Variants in OTOG observed in about 807,000 individuals in gnomAD.
The protein encoded by OTOG is otogelin.
Under a neutral mutation model 313.8 loss-of-function variants are expected in OTOG, and 296 were observed. The observed-to-expected ratio is 0.94, with a 90% CI of 0.86 to 1.04. OTOG has a LOEUF of 1.04. OTOG is among the 50% of genes least tolerant of loss of function. The pLI, the probability that OTOG is intolerant of heterozygous loss-of-function variation, is 0.00. For synonymous variants in OTOG, 1,533 were observed against 1,554.9 expected (o/e 0.99, Z 0.33); for missense variants, 3,948 against 3,840.1 (o/e 1.03, Z -0.74).
Position 17,586,143 on chromosome 11 carries a change from C to G in OTOG, c.2760-331C>G, listed in dbSNP as rs11024328. Among the ~76,000 whole-genome samples, 611 of 152,294 alleles carry G rather than the reference C, an allele frequency of 4.0e-3. 6 individuals are homozygous for G. Among genetic ancestry groups the G allele is most frequent in the African/African-American group, 0.014 (580 of 41,548 alleles). On this transcript the variant is annotated intron_variant, in intron 23 of 55. Transcript: ENST00000399397. ...TGGGTAGGAGGGTCATCGCCCATAT[C>G]CATGACCTGTTCATTAGTATACAAC...
Position 17,609,719 on chromosome 11 carries a change from A to C in OTOG, c.4419A>C (p.Gln1473His), listed in dbSNP as rs953362168. The change falls in exon 36 of 56, where the codon CAA becomes CAC. Residue 1473 changes from glutamine (Q) to histidine (H), a missense_variant. Transcript: ENST00000399397. ...GCAATGAGACCCTCCCTCCCAGTCAAGGGTTGCCCACTCCCAGTGATGAGG... is the reference window on the plus strand; with the variant it reads ...GCAATGAGACCCTCCCTCCCAGTCACGGGTTGCCCACTCCCAGTGATGAGG... ...ALGNETLPPS[Q>H]GLPTPSDEEP... 2 of 1,539,142 alleles carry C rather than the reference A, an allele frequency of 1.3e-6. No individual in the cohort carries two copies. Among genetic ancestry groups the C allele is most frequent in the African/African-American group, 1.4e-5 (1 of 72,774 alleles).
At chr11:17,566,293 G>A (rs1416178536) in intron 15 of OTOG, among the ~76,000 whole-genome samples, 2 of 152,064 alleles carry the variant, frequency 1.3e-5, no homozygotes, top group African/African-American at 4.8e-5. Context: ...TATATAAATA[G>A]TTGTTATGCT....
rs141086792 is a variant in OTOG, at chr11:17,598,080, G to A, written c.3682+1073G>A. Among the ~76,000 whole-genome samples the A allele has an allele frequency of 4.1e-3, 626 of 152,326 alleles. 3 individuals carry two copies. Among genetic ancestry groups the A allele is most frequent in the African/African-American group, 0.015 (604 of 41,562 alleles). On this transcript the variant is annotated intron_variant, in intron 30 of 55. Transcript: ENST00000399397. ...TGAGGCCTGCAGGCAAGACGCCAAA[G>A]GAAGAAGGTGGAGCAGAAGGACACT... is the stretch of plus-strand genomic sequence containing the variant.
chr11:17,579,019 C>G (rs1332112461), intron 23 of OTOG, among the ~76,000 whole-genome samples: 1 of 152,206 alleles, frequency 6.6e-6, no homozygotes, highest in Non-Finnish European at 1.5e-5. Context: ...CCCAGGTCCC[C>G]AGAACCCTGC....
intron 32 of OTOG, among the ~76,000 whole-genome samples, chr11:17,603,688 A>C (rs1452971460): frequency 6.6e-6 from 1 of 152,140 alleles, no homozygotes; most frequent in African/African-American, 2.4e-5. Context: ...GGTGGGACCT[A>C]GGGTGGCTGC....
At chr11:17,599,829 C>T (rs1853204779) in intron 31 of OTOG, 132 bp downstream of exon 31, 1 of 1,077,644 alleles carries the variant, frequency 9.3e-7, no homozygotes, top group South Asian at 1.4e-5. Context: ...GGGAGGGCCC[C>T]CATCATGCAG....
chr11:17,642,702 C>T (rs933121694), intron 53 of OTOG, among the ~76,000 whole-genome samples: 7 of 152,162 alleles, frequency 4.6e-5, no homozygotes, highest in African/African-American at 1.7e-4. Context: ...GGACAACTGT[C>T]AGTATGGGCG....
chr11:17,606,616 C>T (rs568642685), intron 33 of OTOG, among the ~76,000 whole-genome samples: 12 of 152,352 alleles, frequency 7.9e-5, no homozygotes, highest in Middle Eastern at 3.4e-3. Flanking sequence ...CTTCCACCAA[C>T]GCCAAGGGGA....
chr11:17,547,545 AGG>A, intron 1 of OTOG, 79 bp downstream of exon 1: 1 of 1,273,266 alleles, frequency 7.9e-7, no homozygotes. Flanking sequence ...GGGCCCGCGC[AGG>A]TTGGAGAGAG....
At chr11:17,641,810 G>A (rs1847976427) in intron 51 of OTOG, 37 bp from the exon 52 acceptor site, 7 of 1,443,206 alleles carry the variant, frequency 4.9e-6, no homozygotes, top group African/African-American at 1.4e-5. Context: ...GGTGGAGGTG[G>A]GCATCTGGCT....
intron 12 of OTOG, 123 bp from the exon 13 acceptor site, chr11:17,560,586 G>T: frequency 4.3e-6 from 3 of 703,598 alleles, no homozygotes; most frequent in Non-Finnish European, 4.9e-6. Flanking sequence ...GAGAAAGTTT[G>T]GAAGTCGGTT....
intron 18 of OTOG, among the ~76,000 whole-genome samples, chr11:17,572,533 T>C (rs1852427251): frequency 6.6e-6 from 1 of 152,100 alleles, no homozygotes; most frequent in Non-Finnish European, 1.5e-5. Context: ...CACCGCCCTC[T>C]GCTCTGCCCC....
Position 17,559,635 on chromosome 11 carries a change from T to C in OTOG, c.1315T>C (p.Cys439Arg), listed in dbSNP as rs963679389. ...RASCVDSEIACVDGCYCPNGL... is the reference protein window; with the variant it reads ...RASCVDSEIARVDGCYCPNGL... ...ATCCTGTGTGGACAGTGAGATCGCC[T>C]GTGTGGACGGCTGCTATTGCCCCAA... is the stretch of plus-strand genomic sequence containing the variant. The change falls in exon 12 of 56, where the codon TGT (cysteine) becomes CGT (arginine). Residue 439 changes from cysteine to arginine, a missense_variant. Transcript: ENST00000399397. 32 of 1,550,760 alleles carry C rather than the reference T, an allele frequency of 2.1e-5. No homozygotes were observed. The Admixed American group carries it at 6.3e-4, about 30-fold the overall frequency.
chr11:17,572,576 G>C (rs938589629), intron 18 of OTOG, among the ~76,000 whole-genome samples: 1 of 152,096 alleles, frequency 6.6e-6, no homozygotes, highest in African/African-American at 2.4e-5. Flanking sequence ...TTTCTACACA[G>C]TCAGGACTGC....
chr11:17,629,342 A>C, intron 40 of OTOG, 26 bp downstream of exon 40: 1 of 1,534,968 alleles, frequency 6.5e-7, no homozygotes, highest in East Asian at 2.5e-5. Flanking sequence ...GCTTGCGGGG[A>C]GGGGATGCTT....
chr11:17,606,098 A>G lies in OTOG; in HGVS notation c.4119A>G (p.Thr1373=). 6.5e-7 allele frequency: 1 copy of G among 1,547,164 alleles called. No homozygotes were observed. The highest frequency in any genetic ancestry group is 8.7e-7 in the Non-Finnish European group (1 of 1,144,922). ...AVLALRLYEH[T]EVFRRGTLFR... The stretch of plus-strand genomic sequence containing the variant: ...TGGCCCTGCGGCTGTACGAACACAC[A>G]GAGGTGTTCCGCCGGGGCACACTCT... The change falls in exon 33 of 56, where the codon ACA becomes ACG. Residue 1373 remains threonine (T), a synonymous_variant. Coordinates refer to ENST00000399397, the MANE Select transcript of OTOG (RefSeq NM_001292063.2).
At chr11:17,632,505 T>C (rs1419395530) in intron 42 of OTOG, among the ~76,000 whole-genome samples, 1 of 152,176 alleles carries the variant, frequency 6.6e-6, no homozygotes, top group Non-Finnish European at 1.5e-5. Context: ...AGTATTTGCT[T>C]TCTTTGCGTC....
intron 42 of OTOG, among the ~76,000 whole-genome samples, chr11:17,633,222 G>T (rs895610412): frequency 1.3e-5 from 2 of 152,202 alleles, no homozygotes; most frequent in African/African-American, 4.8e-5. Context: ...CTACATGCTT[G>T]TATTAGGCCA....
At chr11:17,587,568 T>C (rs745619596) in intron 24 of OTOG, among the ~76,000 whole-genome samples, 16 of 152,192 alleles carry the variant, frequency 1.1e-4, no homozygotes, top group Non-Finnish European at 1.6e-4. Flanking sequence ...TGTCCCATGC[T>C]GGGACTGAAA....
Sources: gnomAD v4.1 joint callset for allele counts (sites outside exome capture counted in the v4.1 genomes callset) on GRCh38, gnomAD v4.1.1 for gene constraint, MANE v1.5 for transcripts, NCBI Gene and HGNC (gene_info 2026-07-23, HGNC 2026-07-21) for gene names.